The following UVRAG variants were observed in gnomAD, a reference collection of about 807,000 sequenced individuals.
UVRAG encodes the protein UV radiation resistance-associated gene protein.
A neutral mutation model predicts 78.0 loss-of-function variants in UVRAG; 19 were observed. That is an observed-to-expected ratio of 0.24 (90% confidence interval 0.17 to 0.36). The LOEUF (loss-of-function observed/expected upper bound fraction) is 0.36. Among genes scored for constraint, UVRAG ranks in the 10% least tolerant of loss-of-function variants. The pLI is 1.00. For missense variants in UVRAG, 740 were observed against 853.8 expected (o/e 0.87, Z 1.66); for synonymous variants, 323 against 324.6 (o/e 1.00, Z 0.05).
intron 6 of UVRAG, among the ~76,000 whole-genome samples, chr11:75,912,584 A>G (rs938501955): frequency 5.3e-5 from 8 of 152,254 alleles, no homozygotes; most frequent in Admixed American, 2.0e-4. Context: ...TAAATGTGAT[A>G]GATCATCAAG....
At chr11:75,943,375 C>T (rs1948524839) in intron 6 of UVRAG, among the ~76,000 whole-genome samples, 1 of 149,870 alleles carries the variant, frequency 6.7e-6, no homozygotes. Flanking sequence ...AAAATCTTGT[C>T]CATATCTGTA....
At chr11:75,911,516 AC>A in intron 5 of UVRAG, 1 of 174,264 alleles carries the variant, frequency 5.7e-6, no homozygotes, top group Non-Finnish European at 1.3e-5. Flanking sequence ...TGGAGACATT[AC>A]CAAAGTGGGT....
chr11:76,127,507 C>T lies in UVRAG; in HGVS notation c.1397+11492C>T, dbSNP rs544482327. 1.2e-3 allele frequency among the ~76,000 whole-genome samples: 179 copies of T among 150,650 alleles called. 2 individuals carry two copies. Among genetic ancestry groups the T allele is most frequent in the Non-Finnish European group, 2.0e-3 (135 of 67,814 alleles). The stretch of plus-strand genomic sequence containing the variant: ...GTCTCTATTAATACAGAAAGTTAGC[C>T]GGGTGTGGTGGTACACGCCTGTAAT... On this transcript the variant is annotated intron_variant, in intron 14 of 14. Coordinates refer to ENST00000356136, the MANE Select transcript of UVRAG (RefSeq NM_003369.4).
intron 8 of UVRAG, among the ~76,000 whole-genome samples, chr11:75,994,963 T>C (rs1949676466): frequency 2.0e-5 from 3 of 152,194 alleles, no homozygotes; most frequent in Admixed American, 2.0e-4. Flanking sequence ...TCTTTCAACT[T>C]TTTGAGCTTA....
At chr11:75,958,637 C>A (rs1948850698) in intron 6 of UVRAG, among the ~76,000 whole-genome samples, 1 of 152,168 alleles carries the variant, frequency 6.6e-6, no homozygotes, top group South Asian at 2.1e-4. Context: ...GGGTTGGAAT[C>A]AGCTTCTTCC....
chr11:75,820,623 G>T (rs983372059), intron 1 of UVRAG, among the ~76,000 whole-genome samples: 4 of 152,148 alleles, frequency 2.6e-5, no homozygotes, highest in Admixed American at 2.0e-4. Flanking sequence ...CCAAAGTGCT[G>T]GGATTACAGG....
chr11:76,022,847 A>G (rs1950270087), intron 12 of UVRAG, among the ~76,000 whole-genome samples: 1 of 151,664 alleles, frequency 6.6e-6, no homozygotes, highest in Non-Finnish European at 1.5e-5. Context: ...CATTTCCTTT[A>G]TTACTGCCTT....
intron 3 of UVRAG, among the ~76,000 whole-genome samples, chr11:75,864,068 T>C (rs1239954261): frequency 6.6e-6 from 1 of 151,910 alleles, no homozygotes; most frequent in Non-Finnish European, 1.5e-5. Context: ...AACTTTTTTT[T>C]TTTTTTTGAG....
chr11:76,091,812 T>A (rs1218843000), intron 13 of UVRAG, among the ~76,000 whole-genome samples: 1 of 152,142 alleles, frequency 6.6e-6, no homozygotes, highest in Non-Finnish European at 1.5e-5. Flanking sequence ...TTCTTAGAAG[T>A]TTGGAGATAC....
intron 1 of UVRAG, among the ~76,000 whole-genome samples, chr11:75,832,178 A>G (rs1190069415): frequency 7.2e-5 from 11 of 152,184 alleles, no homozygotes; most frequent in Non-Finnish European, 1.5e-4. Flanking sequence ...TTTCCCCCCA[A>G]CATCAACCAA....
At chr11:76,043,124 T>G (rs901978042) in intron 12 of UVRAG, among the ~76,000 whole-genome samples, 5 of 152,258 alleles carry the variant, frequency 3.3e-5, no homozygotes, top group Admixed American at 1.3e-4. Flanking sequence ...GTTTTATTTA[T>G]TTTAACTAAA....
rs368947361 is a variant in UVRAG, at chr11:76,006,381, C to T, written c.912-1153C>T. Among the ~76,000 whole-genome samples, 28 of 152,080 alleles carry T rather than the reference C, an allele frequency of 1.8e-4. No homozygotes were observed. The East Asian group carries it at 1.9e-3, about 10-fold the overall frequency. ...AGTAGTGCAAGAAAAGAGCTGGTGC[C>T]AGGCAAGGTGTCTCATGCCTGTGAT... On this transcript the variant is annotated intron_variant, in intron 9 of 14. Transcript: ENST00000356136.
At chr11:75,980,294 T>C (rs1229523757) in intron 7 of UVRAG, among the ~76,000 whole-genome samples, 1 of 152,306 alleles carries the variant, frequency 6.6e-6, no homozygotes, top group Non-Finnish European at 1.5e-5. Context: ...TCTGAGTAGC[T>C]AGGACTATAG....
At chr11:75,843,716 T>G (rs920124635) in intron 1 of UVRAG, among the ~76,000 whole-genome samples, 1 of 152,112 alleles carries the variant, frequency 6.6e-6, no homozygotes, top group Non-Finnish European at 1.5e-5. Context: ...CCCAGCACTT[T>G]GGGAGGCCGA....
chr11:76,039,474 A>C (rs1950600456), intron 12 of UVRAG, among the ~76,000 whole-genome samples: 1 of 152,258 alleles, frequency 6.6e-6, no homozygotes, highest in South Asian at 2.1e-4. Context: ...GCCCTGGCCA[A>C]TAGAATTATA....
rs547074675 is a variant in UVRAG at position 76,024,147 on chromosome 11, A to G, written c.1226+7167A>G. ...TTTTTCATGATAATCAGACTTTAAAATTAGTTATCCAGGAAAATCACTTTG... is the reference window on the plus strand; with the variant it reads ...TTTTTCATGATAATCAGACTTTAAAGTTAGTTATCCAGGAAAATCACTTTG... On this transcript the variant is annotated intron_variant, in intron 12 of 14. Coordinates refer to ENST00000356136, the MANE Select transcript of UVRAG (RefSeq NM_003369.4). 1.2e-4 allele frequency among the ~76,000 whole-genome samples: 18 copies of G among 152,328 alleles called. No homozygotes were observed. In the South Asian group the frequency reaches 3.7e-3, roughly 32 times the overall value.
At chr11:75,881,974 C>A (rs1161081645) in intron 4 of UVRAG, among the ~76,000 whole-genome samples, 1 of 152,126 alleles carries the variant, frequency 6.6e-6, no homozygotes, top group East Asian at 1.9e-4. Flanking sequence ...AATTCATTCT[C>A]TTTGTCCTAT....
chr11:75,888,846 A>G lies in UVRAG; in HGVS notation c.450A>G (p.Gln150=). 1 of 1,613,678 alleles carries G rather than the reference A, an allele frequency of 6.2e-7. No homozygotes were observed. Among genetic ancestry groups the G allele is most frequent in the Non-Finnish European group, 8.5e-7 (1 of 1,179,850 alleles). The change falls in exon 5 of 15, where the codon CAA becomes CAG. Residue 150 remains glutamine (Q), a synonymous_variant. Coordinates refer to ENST00000356136, the MANE Select transcript of UVRAG (RefSeq NM_003369.4). ...YLGQQIHARN[Q]NEIIFGLNDG... ...TCTCTTAGATTCATGCCCGAAACCA[A>G]AATGAAATAATTTTTGGGCTGAATG...
chr11:76,095,435 A>G (rs568264175), intron 13 of UVRAG, among the ~76,000 whole-genome samples: 1 of 152,218 alleles, frequency 6.6e-6, no homozygotes, highest in East Asian at 1.9e-4. Context: ...TGTTAAGCTA[A>G]TTAAGCCATT....
Sources: allele counts gnomAD v4.1 joint callset (sites outside exome capture counted in the v4.1 genomes callset), GRCh38; gene constraint gnomAD v4.1.1; transcripts MANE v1.5; gene names NCBI Gene and HGNC (gene_info 2026-07-23, HGNC 2026-07-21).